Variants in LNX1 observed in about 807,000 individuals in gnomAD.
LNX1 encodes the protein E3 ubiquitin-protein ligase LNX.
LNX1 carries 54 observed loss-of-function variants against 68.4 expected under a neutral mutation model. The ratio of observed to expected loss-of-function variants is 0.79; its 90% CI spans 0.63 to 0.99. LNX1 has a LOEUF of 0.99. Among genes scored for constraint, LNX1 ranks in the 50% least tolerant of loss-of-function variants. The probability of loss-of-function intolerance (pLI) is 0.00; values close to 1 mark genes in which losing one functional copy is unlikely to be tolerated. For synonymous variants in LNX1, 336 were observed against 350.0 expected (o/e 0.96, Z 0.45); for missense variants, 906 against 926.4 (o/e 0.98, Z 0.29).
At chr4:53,478,496 C>A in intron 8 of LNX1, 69 bp downstream of exon 8, 2 of 1,364,412 alleles carry the variant, frequency 1.5e-6, no homozygotes, top group South Asian at 1.4e-5. Flanking sequence ...AAAATAGTCA[C>A]CTAACAAGCT....
At chr4:53,560,538 C>T (rs1730210703) in intron 2 of LNX1, among the ~76,000 whole-genome samples, 2 of 152,164 alleles carry the variant, frequency 1.3e-5, no homozygotes, top group South Asian at 2.1e-4. Context: ...ACAATAGTGA[C>T]TAATGAGGTA....
intron 2 of LNX1, among the ~76,000 whole-genome samples, chr4:53,555,439 A>C (rs1729840712): frequency 6.6e-6 from 1 of 152,100 alleles, no homozygotes; most frequent in African/African-American, 2.4e-5. Context: ...AATTTCACCA[A>C]CATGGACAAT....
intron 5 of LNX1, among the ~76,000 whole-genome samples, chr4:53,496,905 T>G (rs1725107864): frequency 6.6e-6 from 1 of 152,116 alleles, no homozygotes; most frequent in Admixed American, 6.5e-5. Flanking sequence ...GTAGATGTGA[T>G]AGTGTGTGAG....
chr4:53,507,554 A>G, intron 3 of LNX1, 85 bp from the exon 4 acceptor site: 1 of 1,447,876 alleles, frequency 6.9e-7, no homozygotes, highest in Middle Eastern at 1.9e-4. Flanking sequence ...TATACACAAT[A>G]AGACATTAAC....
intron 2 of LNX1, among the ~76,000 whole-genome samples, chr4:53,550,437 G>T (rs1729421931): frequency 6.6e-6 from 1 of 152,318 alleles, no homozygotes; most frequent in South Asian, 2.1e-4. Context: ...GACAAATCCA[G>T]GGATCAGCAA....
chr4:53,470,740 T>C (rs1256112618), intron 9 of LNX1, among the ~76,000 whole-genome samples: 2 of 152,114 alleles, frequency 1.3e-5, no homozygotes, highest in Non-Finnish European at 2.9e-5. Context: ...CCATTCACAA[T>C]TGCTTCAAAG....
chr4:53,497,255 T>C (rs1436859980), intron 5 of LNX1, among the ~76,000 whole-genome samples: 2 of 152,178 alleles, frequency 1.3e-5, no homozygotes, highest in Non-Finnish European at 2.9e-5. Context: ...GAGCCCCCTA[T>C]GTTGGAAGAA....
intron 1 of LNX1, among the ~76,000 whole-genome samples, chr4:53,574,707 C>T (rs1577740331): frequency 6.6e-6 from 1 of 152,298 alleles, no homozygotes; most frequent in African/African-American, 2.4e-5. Context: ...CCACTATGGG[C>T]CAATGATTTC....
At chr4:53,487,310 C>T (rs1724375711) in intron 6 of LNX1, among the ~76,000 whole-genome samples, 1 of 152,182 alleles carries the variant, frequency 6.6e-6, no homozygotes, top group Admixed American at 6.5e-5. Flanking sequence ...CTGTTCTCAT[C>T]CAGCCAAAGG....
upstream of LNX1, among the ~76,000 whole-genome samples, chr4:53,618,589 C>A (rs968473886): frequency 1.3e-5 from 2 of 152,178 alleles, no homozygotes; most frequent in Non-Finnish European, 2.9e-5. Flanking sequence ...ATCTCACTAA[C>A]CCTCGGATGT....
rs1409606407 is a variant in LNX1, at chr4:53,574,062, G to A, written c.-60C>T. On this transcript the variant is annotated 5_prime_UTR_variant, in exon 2 of 11. Transcript: ENST00000263925. ...TCACACAATATTTCCTCAGGAGCAA[G>A]TCAAGATCTAGGAGACATCCACACA... 3.9e-6 allele frequency: 6 copies of A among 1,547,822 alleles called. No individual in the cohort carries two copies. The Admixed American group carries it at 1.1e-4, about 29-fold the overall frequency.
chr4:53,643,227 T>A (rs1181457648), intron 1 of LNX1, among the ~76,000 whole-genome samples: 1 of 152,082 alleles, frequency 6.6e-6, no homozygotes, highest in African/African-American at 2.4e-5. Context: ...CATGGCTCAC[T>A]GCAGCCTCAA....
intron 1 of LNX1, among the ~76,000 whole-genome samples, chr4:53,578,610 C>A (rs1731641788): frequency 6.6e-6 from 1 of 152,120 alleles, no homozygotes; most frequent in African/African-American, 2.4e-5. Context: ...GAAAAAGATT[C>A]CTTGATTTCA....
At chr4:53,498,440 AG>A (rs941725609) in intron 5 of LNX1, among the ~76,000 whole-genome samples, 200 bp downstream of exon 5, 13 of 152,232 alleles carry the variant, frequency 8.5e-5, no homozygotes, top group African/African-American at 2.9e-4. Flanking sequence ...GAAAGGGGGG[AG>A]AGAGTGAAAG....
rs186995419 is a variant in LNX1 at position 53,478,686 on chromosome 4, G to C, written c.1542C>G (p.Pro514=). 2.5e-6 allele frequency: 4 copies of C among 1,613,966 alleles called. No individual in the cohort carries two copies. Among genetic ancestry groups the C allele is most frequent in the Non-Finnish European group, 3.4e-6 (4 of 1,179,956 alleles). ...CGACGGTCATGCCGAGAGATTCACC[G>C]GGGTCTTTTTGGATATTTACCACCT... ...HEKVVNIQKD[P]GESLGMTVAG... The change falls in exon 8 of 11, where the codon CCC becomes CCG. Residue 514 remains proline (P), a synonymous_variant. Coordinates refer to ENST00000263925, the MANE Select transcript of LNX1 (RefSeq NM_001126328.3).
Position 53,460,061 on chromosome 4 carries a change from A to G in LNX1, c.*846T>C. 5.0e-6 allele frequency: 1 copy of G among 200,982 alleles called. No individual in the cohort carries two copies. The highest frequency in any genetic ancestry group is 1.0e-5 in the Non-Finnish European group (1 of 97,578). The allele number at this position is 200,982 out of a possible 1,614,324, so 12.4% of individuals were successfully genotyped here. ...TGGGTGGCCTCTATGAAATAAATTA[A>G]TTAATTACCCATAGTGTAGTTTCTA... On this transcript the variant is annotated 3_prime_UTR_variant, in exon 11 of 11. Transcript: ENST00000263925.
rs1725262217 is a variant in LNX1 at position 53,498,796 on chromosome 4, T to C, written c.823A>G (p.Ile275Val). 1 of 1,614,008 alleles carries C rather than the reference T, an allele frequency of 6.2e-7. No individual in the cohort carries two copies. Residue 275 changes from isoleucine to valine, a missense_variant, in exon 5 of 11, where the codon ATC becomes GTC. Coordinates refer to ENST00000263925, the MANE Select transcript of LNX1 (RefSeq NM_001126328.3). ...CTGGGATCTACTCGATTGATCTTGA[T>C]GCTGGTAATTTCACCATCTGGAATC... Reference protein sequence around the residue: ...HLIPDGEITSIKINRVDPSES... With the variant: ...HLIPDGEITSVKINRVDPSES...
At chr4:53,633,632 T>C (rs1031689077) in intron 1 of LNX1, among the ~76,000 whole-genome samples, 3 of 152,088 alleles carry the variant, frequency 2.0e-5, no homozygotes, top group Admixed American at 6.6e-5. Flanking sequence ...CCTGAACTAG[T>C]GTTTAGCCAG....
intron 9 of LNX1, among the ~76,000 whole-genome samples, chr4:53,468,073 G>A (rs888115927): frequency 1.6e-4 from 25 of 152,170 alleles, no homozygotes; most frequent in African/African-American, 5.1e-4. Context: ...AGGAAAAAAT[G>A]TTCAGGGCAG....
Sources: allele counts gnomAD v4.1 joint callset (sites outside exome capture counted in the v4.1 genomes callset), GRCh38; gene constraint gnomAD v4.1.1; transcripts MANE v1.5; gene names NCBI Gene and HGNC (gene_info 2026-07-23, HGNC 2026-07-21).